Variants in STAT5B observed in about 807,000 individuals in gnomAD.
STAT5B encodes transcription factor STAT5B.
Under a neutral mutation model 107.8 loss-of-function variants are expected in STAT5B, and 21 were observed. That is an observed-to-expected ratio of 0.19 (90% CI 0.14 to 0.28). STAT5B has a LOEUF of 0.28. Among genes scored for constraint, STAT5B ranks in the 10% least tolerant of loss-of-function variants. The probability of loss-of-function intolerance (pLI) is 1.00; values close to 1 mark genes in which losing one functional copy is unlikely to be tolerated. For synonymous variants in STAT5B, 325 were observed against 401.7 expected (o/e 0.81, Z 2.28); for missense variants, 565 against 1,008.2 (o/e 0.56, Z 5.95).
At chr17:42,229,538 TAA>T (rs1036283326) in intron 2 of STAT5B, among the ~76,000 whole-genome samples, 4 of 141,814 alleles carry the variant, frequency 2.8e-5, no homozygotes, top group Admixed American at 7.1e-5. Context: ...AATTCTCTGT[TAA>T]AAAAAAAAAA....
At chr17:42,278,063 CTCTT>C (rs2080778728), upstream of STAT5B, among the ~76,000 whole-genome samples, 1 of 152,128 alleles carries the variant, frequency 6.6e-6, no homozygotes, top group Non-Finnish European at 1.5e-5. Flanking sequence ...ACTCATGTTT[CTCTT>C]TCTTGTGAGC....
chr17:42,250,134 C>T (rs936510556), intron 1 of STAT5B, among the ~76,000 whole-genome samples: 2 of 152,158 alleles, frequency 1.3e-5, no homozygotes, highest in Non-Finnish European at 2.9e-5. Context: ...ACTATCTACA[C>T]AAAACTTGCG....
chr17:42,271,419 T>C (rs1216777940), intron 1 of STAT5B: 1 of 152,220 alleles, frequency 6.6e-6, no homozygotes, highest in Non-Finnish European at 1.5e-5. Context: ...CTCTAACTAG[T>C]CAGAAAGGAA....
chr17:42,284,775 A>G, the STAT5B span, among the ~76,000 whole-genome samples: 1 of 152,188 alleles, frequency 6.6e-6, no homozygotes, highest in African/African-American at 2.4e-5. Flanking sequence ...AAGCTTAGAA[A>G]GGTTATACTG....
At chr17:42,260,605 T>G (rs1048686686) in intron 1 of STAT5B, among the ~76,000 whole-genome samples, 2 of 152,104 alleles carry the variant, frequency 1.3e-5, no homozygotes, top group African/African-American at 4.8e-5. Flanking sequence ...AGAGACTGGG[T>G]CTCACTATGT....
chr17:42,262,809 TAC>T (rs66859052), intron 1 of STAT5B, among the ~76,000 whole-genome samples: 3 of 122,942 alleles, frequency 2.4e-5, no homozygotes, highest in Non-Finnish European at 3.4e-5. Context: ...TGTGTATATA[TAC>T]ACACATATAT....
chr17:42,260,416 TG>T (rs1278063653), intron 1 of STAT5B, among the ~76,000 whole-genome samples: 2 of 152,132 alleles, frequency 1.3e-5, no homozygotes, highest in East Asian at 1.9e-4. Context: ...TGGGTTCGTT[TG>T]TTTTTTTTTG....
chr17:42,203,094 C>A (rs913955217), intron 16 of STAT5B: 11 of 447,292 alleles, frequency 2.5e-5, no homozygotes, highest in Non-Finnish European at 4.6e-5. Context: ...GGTACACCAC[C>A]ACACTTTGGC....
chr17:42,230,957 C>G (rs943069343), intron 2 of STAT5B, among the ~76,000 whole-genome samples: 3 of 151,972 alleles, frequency 2.0e-5, no homozygotes, highest in African/African-American at 7.2e-5. Flanking sequence ...GCCACAACAC[C>G]CACTCAATTT....
At chr17:42,261,694 GGGACTACA>G in intron 1 of STAT5B, among the ~76,000 whole-genome samples, 1 of 152,164 alleles carries the variant, frequency 6.6e-6, no homozygotes, top group East Asian at 1.9e-4. Context: ...CCAAGTAGCT[GGGACTACA>G]GGCACACACC....
chr17:42,247,591 C>T (rs888082848), intron 1 of STAT5B, among the ~76,000 whole-genome samples: 8 of 152,146 alleles, frequency 5.3e-5, no homozygotes, highest in African/African-American at 1.4e-4. Context: ...GTCCTACTAC[C>T]TGTGTTTAAG....
At chr17:42,256,725 G>A (rs1428210668) in intron 1 of STAT5B, among the ~76,000 whole-genome samples, 3 of 151,800 alleles carry the variant, frequency 2.0e-5, no homozygotes, top group Non-Finnish European at 2.9e-5. Context: ...AGCCGGGTGT[G>A]GTGGCAGATG....
At chr17:42,278,992 A>G (rs1042520042), upstream of STAT5B, among the ~76,000 whole-genome samples, 1 of 151,476 alleles carries the variant, frequency 6.6e-6, no homozygotes, top group Non-Finnish European at 1.5e-5. Flanking sequence ...AAAAAAAAAA[A>G]TATTTGTAAA....
At chr17:42,262,828 A>ATATATACACACATATATATG (rs1243131294) in intron 1 of STAT5B, among the ~76,000 whole-genome samples, 1 of 121,982 alleles carries the variant, frequency 8.2e-6, no homozygotes, top group East Asian at 2.5e-4. Flanking sequence ...ATATATGTGT[A>ATATATACACACATATATATG]TATATACACA....
At position 42,211,398 on chromosome 17, in the gene STAT5B, C is replaced by T. The variant is rs145043930; in HGVS notation, c.1680+586G>A. Among the ~76,000 whole-genome samples, 507 of 151,956 alleles carry T rather than the reference C, an allele frequency of 3.3e-3. 15 individuals are homozygous for T. The East Asian group carries it at 0.071, about 21-fold the overall frequency. ...CCGCATGCCTGTAATCCCAGCTACTCGGGAGGCTGAGGCAGGAGAATCGCT... is the reference window on the plus strand; with the variant it reads ...CCGCATGCCTGTAATCCCAGCTACTTGGGAGGCTGAGGCAGGAGAATCGCT... On this transcript the variant is annotated intron_variant, in intron 13 of 18. Coordinates refer to ENST00000293328, the MANE Select transcript of STAT5B (RefSeq NM_012448.4).
At chr17:42,281,687 G>C (rs1218749638), upstream of STAT5B, among the ~76,000 whole-genome samples, 1 of 152,188 alleles carries the variant, frequency 6.6e-6, no homozygotes, top group African/African-American at 2.4e-5. Flanking sequence ...TCACACACCT[G>C]CTCTCAGTCT....
chr17:42,287,663 CTGGG>C, the STAT5B span: 1 of 152,392 alleles, frequency 6.6e-6, no homozygotes, highest in Non-Finnish European at 1.5e-5. Flanking sequence ...AGTAACTAGG[CTGGG>C]TGAACGGGGG....
the STAT5B span, among the ~76,000 whole-genome samples, chr17:42,286,628 C>T: frequency 1.3e-5 from 2 of 152,280 alleles, no homozygotes; most frequent in Admixed American, 6.5e-5. Flanking sequence ...TAAGCAGGCA[C>T]CCCCACCCCA....
At chr17:42,272,595 C>T (rs1190500569) in intron 1 of STAT5B, 1 of 152,138 alleles carries the variant, frequency 6.6e-6, no homozygotes, top group Non-Finnish European at 1.5e-5. Context: ...AGGCTTCACT[C>T]AGTAAAGCTG....
Sources: gnomAD v4.1 joint callset for allele counts (sites outside exome capture counted in the v4.1 genomes callset) on GRCh38, gnomAD v4.1.1 for gene constraint, MANE v1.5 for transcripts, NCBI Gene and HGNC (gene_info 2026-07-23, HGNC 2026-07-21) for gene names.